RBFOX1: variants seen among roughly 807,000 people sequenced by gnomAD.
RBFOX1 encodes RNA binding protein fox-1 homolog 1.
A neutral mutation model predicts 57.7 loss-of-function variants in RBFOX1; 8 were observed. That is an observed-to-expected ratio of 0.14 (90% CI 0.08 to 0.25). The LOEUF is 0.25. Ranked by LOEUF, RBFOX1 falls within the 10% of genes least tolerant of loss-of-function variation. The pLI is 1.00. For missense variants in RBFOX1, 611 were observed against 548.5 expected (o/e 1.11, Z -1.14); for synonymous variants, 326 against 222.4 (o/e 1.47, Z -4.15).
intron 1 of RBFOX1, among the ~76,000 whole-genome samples, chr16:6,291,820 C>G (rs1030994299): frequency 1.3e-5 from 2 of 152,096 alleles, no homozygotes; most frequent in African/African-American, 2.4e-5. Context: ...GGTATTAGAC[C>G]TGTCTCCCAG....
chr16:6,780,311 A>T (rs867427754), intron 3 of RBFOX1, among the ~76,000 whole-genome samples: 3 of 61,552 alleles, frequency 4.9e-5, no homozygotes, highest in South Asian at 7.6e-4. Flanking sequence ...ACATATATAT[A>T]TTTATTCATA....
intron 4 of RBFOX1, among the ~76,000 whole-genome samples, chr16:7,143,109 G>A (rs923434455): frequency 3.3e-5 from 5 of 151,932 alleles, no homozygotes; most frequent in South Asian, 2.1e-4. Flanking sequence ...TTTGCAAAAT[G>A]TTTTCCATTT....
chr16:7,400,601 A>G (rs1016257197), intron 4 of RBFOX1, among the ~76,000 whole-genome samples: 1 of 152,192 alleles, frequency 6.6e-6, no homozygotes, highest in African/African-American at 2.4e-5. Context: ...AAATTTGGAA[A>G]TAGGTGGTAT....
chr16:7,046,603 CTTTTTTTTTTTT>C (rs59921108), intron 3 of RBFOX1, among the ~76,000 whole-genome samples: 5 of 85,012 alleles, frequency 5.9e-5, no homozygotes, highest in Admixed American at 1.5e-4. Context: ...TGTGTTTTAT[CTTTTTTTTTTTT>C]TTTTTTTTTT....
At chr16:6,717,205 G>A (rs1003190444) in intron 3 of RBFOX1, among the ~76,000 whole-genome samples, 26 of 151,996 alleles carry the variant, frequency 1.7e-4, no homozygotes, top group African/African-American at 6.3e-4. Flanking sequence ...TAAAATGGTG[G>A]GGAAAGCCAG....
At chr16:7,681,031 C>T (rs1462600698) in intron 14 of RBFOX1, among the ~76,000 whole-genome samples, 4 of 151,978 alleles carry the variant, frequency 2.6e-5, no homozygotes, top group African/African-American at 9.7e-5. Flanking sequence ...TGCTAGAGAA[C>T]GTAAGTTAAA....
At chr16:6,900,790 C>T (rs945725725) in intron 3 of RBFOX1, among the ~76,000 whole-genome samples, 1 of 152,216 alleles carries the variant, frequency 6.6e-6, no homozygotes, top group Admixed American at 6.5e-5. Flanking sequence ...TCCTTCACAG[C>T]ACACAATGCC....
chr16:5,617,574 G>C (rs1159278423), intron 3 of RBFOX1, among the ~76,000 whole-genome samples: 1 of 152,182 alleles, frequency 6.6e-6, no homozygotes, highest in African/African-American at 2.4e-5. Flanking sequence ...AAAAAGACAG[G>C]TGCATATGTC....
At chr16:7,324,023 T>G (rs895518281) in intron 4 of RBFOX1, among the ~76,000 whole-genome samples, 16 of 152,168 alleles carry the variant, frequency 1.1e-4, no homozygotes, top group Non-Finnish European at 1.6e-4. Flanking sequence ...TTTTTTGTTT[T>G]GTTTTGTTTT....
At chr16:6,953,950 C>G (rs1454746321) in intron 3 of RBFOX1, among the ~76,000 whole-genome samples, 3 of 152,148 alleles carry the variant, frequency 2.0e-5, no homozygotes, top group African/African-American at 7.2e-5. Flanking sequence ...GGAGTAACCT[C>G]TTATTTACAA....
chr16:5,358,505 C>T (rs2065455724), intron 1 of RBFOX1, among the ~76,000 whole-genome samples: 2 of 152,156 alleles, frequency 1.3e-5, no homozygotes, highest in South Asian at 4.1e-4. Context: ...GTGTAATAAT[C>T]ACATCATGTA....
At chr16:7,182,438 TAGC>T (rs78482744) in intron 4 of RBFOX1, among the ~76,000 whole-genome samples, 2 of 152,194 alleles carry the variant, frequency 1.3e-5, no homozygotes, top group Admixed American at 1.3e-4. Context: ...CGAAAGTTCT[TAGC>T]AGCAGCAGCA....
rs78089459 is a variant in RBFOX1 at position 6,123,953 on chromosome 16, A to C, written c.-127+103961A>C. Among the ~76,000 whole-genome samples the C allele has an allele frequency of 5.0e-3, 755 of 152,292 alleles. 8 individuals are homozygous for C. The highest frequency in any genetic ancestry group is 0.027 in the Middle Eastern group (8 of 294). ...TAGGCATATTATATCACAAGAAAAA[A>C]ATACAAGGAGAAAAGCATATACCGC... On this transcript the variant is annotated intron_variant, in intron 1 of 15. Transcript: ENST00000550418.
intron 3 of RBFOX1, among the ~76,000 whole-genome samples, chr16:6,884,312 C>G (rs1368753056): frequency 6.6e-6 from 1 of 152,188 alleles, no homozygotes; most frequent in Non-Finnish European, 1.5e-5. Context: ...AGCTCTGAGC[C>G]TTGCTTAACC....
chr16:5,484,747 C>T (rs1349796027), intron 2 of RBFOX1, among the ~76,000 whole-genome samples: 1 of 151,608 alleles, frequency 6.6e-6, no homozygotes, highest in African/African-American at 2.4e-5. Flanking sequence ...CCCATCTCTA[C>T]TAAAAGTACA....
chr16:5,735,403 G>A (rs989824364), intron 3 of RBFOX1, among the ~76,000 whole-genome samples: 4 of 152,186 alleles, frequency 2.6e-5, no homozygotes, highest in Admixed American at 2.6e-4. Flanking sequence ...GTCACAGTGT[G>A]CCTGGTTGCC....
chr16:6,812,901 C>T (rs939268297), intron 3 of RBFOX1, among the ~76,000 whole-genome samples: 24 of 152,016 alleles, frequency 1.6e-4, no homozygotes, highest in African/African-American at 5.8e-4. Flanking sequence ...GTCAGAGTGA[C>T]GATGTTTCTA....
chr16:6,497,526 C>T (rs1325560577), intron 2 of RBFOX1, among the ~76,000 whole-genome samples: 2 of 151,452 alleles, frequency 1.3e-5, no homozygotes, highest in Non-Finnish European at 2.9e-5. Context: ...GAATAACCTC[C>T]AGTATAAATC....
At chr16:5,343,773 G>A (rs562494269) in intron 1 of RBFOX1, among the ~76,000 whole-genome samples, 5 of 152,154 alleles carry the variant, frequency 3.3e-5, no homozygotes, top group Non-Finnish European at 5.9e-5. Context: ...ATTTAACTTA[G>A]AACTTTTTGA....
Sources: allele counts gnomAD v4.1 joint callset (sites outside exome capture counted in the v4.1 genomes callset), GRCh38; gene constraint gnomAD v4.1.1; transcripts MANE v1.5; gene names NCBI Gene and HGNC (gene_info 2026-07-23, HGNC 2026-07-21).